CCDC80: variants seen among roughly 807,000 people sequenced by gnomAD.
CCDC80 encodes the protein coiled-coil domain-containing protein 80.
In CCDC80, 49 loss-of-function variants were observed where a neutral mutation model predicts 78.7. That is an observed-to-expected ratio of 0.62 (90% confidence interval 0.50 to 0.79). CCDC80 has a LOEUF of 0.79. Ranked by LOEUF, CCDC80 falls within the 30% of genes least tolerant of loss-of-function variation. The pLI, the probability that CCDC80 is intolerant of heterozygous loss-of-function variation, is 0.00. For synonymous variants in CCDC80, 488 were observed against 447.0 expected, an observed-to-expected ratio of 1.09 and a Z score of -1.16; for missense variants, 1,205 against 1,198.6, an observed-to-expected ratio of 1.01 and a Z score of -0.08.
At chr3:112,635,856 TA>T (rs1277789110) in intron 2 of CCDC80, among the ~76,000 whole-genome samples, 2 of 152,168 alleles carry the variant, frequency 1.3e-5, no homozygotes, top group Non-Finnish European at 2.9e-5. Context: ...GGGATACTGT[TA>T]AAAGCAGGAT....
In CCDC80 at chr3:112,638,795, CTG is replaced by C; in HGVS notation, c.1109_1110del (p.Thr370SerfsTer31). 3 of 1,613,806 alleles carry C rather than the reference CTG, an allele frequency of 1.9e-6. No individual in the cohort carries two copies. Among genetic ancestry groups the C allele is most frequent in the Non-Finnish European group, 2.5e-6 (3 of 1,179,998 alleles). ...GTGGTGGTCATAGGTCTTGCAGCAA[CTG>C]TTACCGCCCGGGACGTGGACCGAGT... ...TVTRSTSRAVTVAARPMTTTA... is the reference protein window; with the variant it reads ...TVTRSTSRAVXVAARPMTTTA... On this transcript the variant is annotated frameshift_variant, in exon 2 of 8. Transcript: ENST00000206423. LOFTEE classifies it high-confidence loss of function.
At position 112,638,333 on chromosome 3, in the gene CCDC80, G is replaced by A; in HGVS notation, c.1573C>T (p.Gln525Ter). 6.2e-7 allele frequency: 1 copy of A among 1,613,996 alleles called. No homozygotes were observed. Residue 525 changes from glutamine (Q) to a stop codon, truncating the protein, a stop_gained, in exon 2 of 8, where the codon CAG (glutamine) becomes TAG (stop). Coordinates refer to ENST00000206423, the MANE Select transcript of CCDC80 (RefSeq NM_199511.3). LOFTEE classifies it high-confidence loss of function. ...PTASQLEDEL[Q>*]VGNVPLKKAK... ...TTTTTAAGGGGAACATTCCCCACCT[G>A]CAGCTCGTCCTCCAGCTGAGAGGCA...
Position 112,639,039 on chromosome 3 carries a change from C to T in CCDC80, c.867G>A (p.Gln289=). The change falls in exon 2 of 8, where the codon CAG becomes CAA. Residue 289 remains glutamine, a synonymous_variant. Coordinates refer to ENST00000206423, the MANE Select transcript of CCDC80 (RefSeq NM_199511.3). ...QKCKASGVEG[Q]VVAEGNDGGG... ...CACCGTCATTCCCCTCCGCCACCAC[C>T]TGGCCCTCTACACCAGAGGCCTTAC... 5 of 1,609,976 alleles carry T rather than the reference C, an allele frequency of 3.1e-6. No individual in the cohort carries two copies. Among genetic ancestry groups the T allele is most frequent in the Non-Finnish European group, 4.2e-6 (5 of 1,179,296 alleles).
At chr3:112,616,473 ACCTAT>A (rs1228369654) in intron 5 of CCDC80, among the ~76,000 whole-genome samples, 2 of 150,882 alleles carry the variant, frequency 1.3e-5, no homozygotes, top group African/African-American at 4.9e-5. Context: ...CAGAGAAAAG[ACCTAT>A]CCTGAGTCAC....
intron 7 of CCDC80, among the ~76,000 whole-genome samples, chr3:112,606,717 G>A (rs1405499160): frequency 6.6e-6 from 1 of 152,140 alleles, no homozygotes; most frequent in Non-Finnish European, 1.5e-5. Flanking sequence ...GAGCCACCAT[G>A]CCCGGCTTCT....
At chr3:112,614,444 C>T (rs1378683251) in intron 5 of CCDC80, among the ~76,000 whole-genome samples, 1 of 152,024 alleles carries the variant, frequency 6.6e-6, no homozygotes, top group African/African-American at 2.4e-5. Flanking sequence ...AAGCTCTTAG[C>T]ATAAATCTTT....
intron 5 of CCDC80, among the ~76,000 whole-genome samples, chr3:112,616,449 G>GAAAAAAAAAAAAAAA (rs59366104): frequency 1.2e-4 from 16 of 133,612 alleles, no homozygotes; most frequent in Non-Finnish European, 1.9e-4. Context: ...AAAAAGAAAA[G>GAAAAAAAAAAAAAAA]AAAAAAAAAA....
chr3:112,625,173 A>G (rs1257082463), intron 3 of CCDC80, among the ~76,000 whole-genome samples: 2 of 152,244 alleles, frequency 1.3e-5, no homozygotes, highest in African/African-American at 4.8e-5. Flanking sequence ...TCACAACATG[A>G]GAAATGCAAA....
Position 112,639,093 on chromosome 3 carries a change from C to T in CCDC80, c.813G>A (p.Lys271=). 1 of 1,613,982 alleles carries T rather than the reference C, an allele frequency of 6.2e-7. No individual in the cohort carries two copies. Among genetic ancestry groups the T allele is most frequent in the East Asian group, 2.2e-5 (1 of 44,880 alleles). The part of the protein sequence containing the change: ...IDQGPIRRIE[K]IRQKGFVQKC... The stretch of plus-strand genomic sequence containing the variant: ...TCTGGACAAAGCCCTTCTGCCTGAT[C>T]TTCTCGATCCTACGGATGGGGCCTT... The change falls in exon 2 of 8, where the codon AAG becomes AAA. Residue 271 remains lysine (K), a synonymous_variant. Transcript: ENST00000206423.
At chr3:112,634,248 G>T (rs1936162320) in intron 2 of CCDC80, among the ~76,000 whole-genome samples, 1 of 152,064 alleles carries the variant, frequency 6.6e-6, no homozygotes, top group African/African-American at 2.4e-5. Flanking sequence ...GTAGATGGTT[G>T]TCCTAATACA....
chr3:112,605,661 C>G lies in CCDC80; in HGVS notation c.2609G>C (p.Gly870Ala). 6.2e-7 allele frequency: 1 copy of G among 1,614,210 alleles called. No homozygotes were observed. Among genetic ancestry groups the G allele is most frequent in the Non-Finnish European group, 8.5e-7 (1 of 1,180,036 alleles). The change falls in exon 8 of 8, where the codon GGA becomes GCA. Residue 870 changes from glycine to alanine, a missense_variant. By Grantham distance (60) the Gly-to-Ala change is moderately conservative. Coordinates refer to ENST00000206423, the MANE Select transcript of CCDC80 (RefSeq NM_199511.3). Reference sequence around the variant, plus strand: ...CCAGGATTTGACATTTCCGTCTTTTCCGACTAGAAGCATGGAGAAGTACTC... The same window carrying G: ...CCAGGATTTGACATTTCCGTCTTTTGCGACTAGAAGCATGGAGAAGTACTC... ...SPEYFSMLLV[G>A]KDGNVKSWYP... is the part of the protein sequence containing the mutation.
intron 2 of CCDC80, among the ~76,000 whole-genome samples, chr3:112,634,929 G>C (rs1936175858): frequency 1.3e-5 from 2 of 152,164 alleles, no homozygotes; most frequent in Non-Finnish European, 1.5e-5. Flanking sequence ...GTGTAGAAAG[G>C]GGTAAATAAA....
rs1260129089 is a variant in CCDC80, at chr3:112,605,123, A to G, written c.*294T>C. 3 of 247,392 alleles carry G rather than the reference A, an allele frequency of 1.2e-5. No homozygotes were observed. Among genetic ancestry groups the G allele is most frequent in the East Asian group, 8.0e-5 (1 of 12,428 alleles). The allele number at this position is 247,392 out of a possible 1,614,324, so 15.3% of individuals were successfully genotyped here. On this transcript the variant is annotated 3_prime_UTR_variant, in exon 8 of 8. Transcript: ENST00000206423. ...AAATACATATTTTATAAAATTTTAT[A>G]TGCCAAATAAGGTCCTTCATATAAG...
chr3:112,605,253 A>G lies in CCDC80; in HGVS notation c.*164T>C. 1 of 529,828 alleles carries G rather than the reference A, an allele frequency of 1.9e-6. No individual in the cohort carries two copies. 32.8% of individuals were successfully genotyped at this position (529,828 alleles called of 1,614,324 possible). A position where few individuals can be genotyped will look rare whatever the true frequency, so the allele number is the denominator to read the frequency against. On this transcript the variant is annotated 3_prime_UTR_variant, in exon 8 of 8. Transcript: ENST00000206423. Reference sequence around the variant, plus strand: ...GTCTTTATGATTTGAGGTTTCAATAATAACTCATGAATAGGTGAAAGTTTG... The same window carrying G: ...GTCTTTATGATTTGAGGTTTCAATAGTAACTCATGAATAGGTGAAAGTTTG...
chr3:112,640,024 G>A, intron 1 of CCDC80, 108 bp from the exon 2 acceptor site: 1 of 1,446,538 alleles, frequency 6.9e-7, no homozygotes, highest in Non-Finnish European at 9.1e-7. Flanking sequence ...TCTCAGCCAA[G>A]GGGAGGGGAA....
chr3:112,639,060 C>A lies in CCDC80; in HGVS notation c.846G>T (p.Lys282Asn). Residue 282 changes from lysine to asparagine, a missense_variant, in exon 2 of 8, where the codon AAG becomes AAT. Lys to Asn is a moderately conservative substitution (Grantham distance 94). Transcript: ENST00000206423. ...CCACCTGGCCCTCTACACCAGAGGC[C>A]TTACATTTCTGGACAAAGCCCTTCT... ...IRQKGFVQKC[K>N]ASGVEGQVVA... The A allele has an allele frequency of 6.2e-7, 1 of 1,612,798 alleles. No individual in the cohort carries two copies. Among genetic ancestry groups the A allele is most frequent in the South Asian group, 1.1e-5 (1 of 91,084 alleles).
In CCDC80 at chr3:112,602,807, ATGT is replaced by A. The variant is rs1935397265; in HGVS notation, c.*2607_*2609del. ...ATAAAAGTGCAAAGTAAAGCAGCAA[ATGT>A]TGATGTAGAAGCTGCAGTAAGTTAT... On this transcript the variant is annotated 3_prime_UTR_variant, in exon 8 of 8. Transcript: ENST00000206423. The A allele has an allele frequency of 6.6e-6, 1 of 152,274 alleles. No individual in the cohort carries two copies. Among genetic ancestry groups the A allele is most frequent in the Non-Finnish European group, 1.5e-5 (1 of 68,062 alleles). 9.4% of individuals were successfully genotyped at this position (152,274 alleles called of 1,614,324 possible). A position where few individuals can be genotyped will look rare whatever the true frequency, so the allele number is the denominator to read the frequency against.
At chr3:112,616,038 G>C (rs577819943) in intron 5 of CCDC80, among the ~76,000 whole-genome samples, 1 of 152,112 alleles carries the variant, frequency 6.6e-6, no homozygotes, top group Non-Finnish European at 1.5e-5. Context: ...TTTCTTGCGC[G>C]AGATCCAAGA....
intron 2 of CCDC80, among the ~76,000 whole-genome samples, chr3:112,635,176 T>C (rs576174335): frequency 7.9e-5 from 12 of 152,204 alleles, no homozygotes; most frequent in Non-Finnish European, 1.8e-4. Context: ...GTAGCAGTTA[T>C]GTGATACGTC....
Sources: allele counts gnomAD v4.1 joint callset (sites outside exome capture counted in the v4.1 genomes callset), GRCh38; gene constraint gnomAD v4.1.1; transcripts MANE v1.5; gene names NCBI Gene and HGNC (gene_info 2026-07-23, HGNC 2026-07-21).